Variants in UBXN8 observed in about 807,000 individuals in gnomAD.
UBXN8 encodes UBX domain protein 8, also known as UBX domain-containing protein 8.
In UBXN8, 27 loss-of-function variants were observed where a neutral mutation model predicts 32.1. That is an observed-to-expected ratio of 0.84 (90% CI 0.62 to 1.16). The LOEUF (loss-of-function observed/expected upper bound fraction) is 1.16, where lower values mean the gene tolerates loss of function less well. Among genes scored for constraint, UBXN8 ranks in the 50% most tolerant of loss-of-function variants. The pLI, the probability that UBXN8 is intolerant of heterozygous loss-of-function variation, is 0.00. For synonymous variants in UBXN8, 109 were observed against 111.8 expected, an observed-to-expected ratio of 0.98 and a Z score of 0.16; for missense variants, 306 against 311.4, an observed-to-expected ratio of 0.98 and a Z score of 0.13.
chr8:30,732,643 C>T (rs1003734083), exon 1 of UBXN8: 1 of 190,690 alleles, frequency 5.2e-6, no homozygotes, highest in African/African-American at 2.3e-5. Flanking sequence ...TTATGTCAGC[C>T]CCAGCCCTGG....
At chr8:30,745,262 G>A (rs891048568) in intron 1 of UBXN8, among the ~76,000 whole-genome samples, 19 of 152,138 alleles carry the variant, frequency 1.2e-4, no homozygotes, top group African/African-American at 4.6e-4. Flanking sequence ...TTTGTTTATG[G>A]GTTGATGTTT....
chr8:30,764,125 T>A (rs1210787764), intron 7 of UBXN8, among the ~76,000 whole-genome samples: 7 of 152,248 alleles, frequency 4.6e-5, no homozygotes, highest in South Asian at 2.1e-4. Context: ...TATATTTCCG[T>A]CTCTAAGTAC....
At chr8:30,738,403 G>C (rs1022470462) in intron 1 of UBXN8, among the ~76,000 whole-genome samples, 1 of 152,086 alleles carries the variant, frequency 6.6e-6, no homozygotes, top group East Asian at 1.9e-4. Context: ...GCTCACGCCT[G>C]TAATCCCAGC....
At chr8:30,739,034 T>C (rs1805132848) in intron 1 of UBXN8, among the ~76,000 whole-genome samples, 1 of 150,546 alleles carries the variant, frequency 6.6e-6, no homozygotes, top group African/African-American at 2.4e-5. Context: ...ATTAAAGAGA[T>C]GGATTTTAAC....
chr8:30,751,245 G>T, intron 1 of UBXN8, 151 bp from the exon 2 acceptor site: 1 of 567,538 alleles, frequency 1.8e-6, no homozygotes, highest in South Asian at 2.7e-5. Flanking sequence ...TGGGCATGTT[G>T]GCTCATGCCT....
rs372365171 is a variant in UBXN8 at position 30,751,506 on chromosome 8, G to A, written c.199G>A (p.Val67Ile). Reference sequence around the variant, plus strand: ...GCTTAACTCATTTAAATCTCCCCAAGTTTATCTGAAGGGTAAGTTTATTAT... The same window carrying A: ...GCTTAACTCATTTAAATCTCCCCAAATTTATCTGAAGGGTAAGTTTATTAT... The part of the protein sequence containing the change: ...SWLNSFKSPQ[V>I]YLKEEEEKNE... The change falls in exon 2 of 8, where the codon GTT (valine) becomes ATT (isoleucine). Residue 67 changes from valine to isoleucine, a missense_variant. Transcript: ENST00000265616. 1.7e-5 allele frequency: 27 copies of A among 1,601,456 alleles called. No homozygotes were observed. The highest frequency in any genetic ancestry group is 2.7e-5 in the African/African-American group (2 of 74,126).
chr8:30,731,980 C>T (rs749688263), upstream of UBXN8, among the ~76,000 whole-genome samples: 4 of 152,180 alleles, frequency 2.6e-5, no homozygotes, highest in Non-Finnish European at 5.9e-5. Flanking sequence ...GTACATATTG[C>T]TGGGGTTGCT....
At chr8:30,737,141 T>C (rs1805083177) in intron 1 of UBXN8, among the ~76,000 whole-genome samples, 1 of 152,216 alleles carries the variant, frequency 6.6e-6, no homozygotes, top group Non-Finnish European at 1.5e-5. Context: ...CTTGTTGACA[T>C]ATTTAAAGTT....
intron 7 of UBXN8, among the ~76,000 whole-genome samples, chr8:30,764,892 A>G (rs574391804): frequency 5.3e-5 from 8 of 152,234 alleles, no homozygotes; most frequent in Admixed American, 1.3e-4. Context: ...TCTACTAAAA[A>G]TACAAAAATT....
chr8:30,752,938 T>C (rs1397108514), intron 2 of UBXN8, 97 bp from the exon 3 acceptor site: 7 of 1,356,986 alleles, frequency 5.2e-6, no homozygotes, highest in Non-Finnish European at 6.8e-6. Flanking sequence ...TCATAGACTT[T>C]AGATTTTTTT....
At chr8:30,754,126 G>T in intron 3 of UBXN8, 1 of 175,688 alleles carries the variant, frequency 5.7e-6, no homozygotes, top group Non-Finnish European at 1.2e-5. Flanking sequence ...TGTAGTCCCA[G>T]CTACTTGGGA....
intron 5 of UBXN8, among the ~76,000 whole-genome samples, chr8:30,760,443 A>ATATATTTTTTTT (rs1196366158): frequency 5.5e-5 from 5 of 91,118 alleles, no homozygotes; most frequent in African/African-American, 2.6e-4. Context: ...ATATATATAT[A>ATATATTTTTTTT]TTTTTTTTTT....
chr8:30,744,565 G>T, intron 1 of UBXN8: 2 of 500,340 alleles, frequency 4.0e-6, no homozygotes, highest in South Asian at 7.5e-5. Context: ...TAAACAGGTT[G>T]ATAAGATGAA....
At chr8:30,729,487 G>A (rs192113439), upstream of UBXN8, among the ~76,000 whole-genome samples, 1 of 152,182 alleles carries the variant, frequency 6.6e-6, no homozygotes, top group Non-Finnish European at 1.5e-5. Flanking sequence ...GTTTGACCTG[G>A]CTTGGATTAC....
intron 4 of UBXN8, chr8:30,756,109 C>T (rs1696455295): frequency 6.6e-6 from 1 of 152,032 alleles, no homozygotes; most frequent in Admixed American, 6.6e-5. Context: ...AATGCAACCT[C>T]TGCCTCTCAG....
chr8:30,754,911 T>G, intron 4 of UBXN8, 124 bp downstream of exon 4: 1 of 1,293,664 alleles, frequency 7.7e-7, no homozygotes, highest in Non-Finnish European at 1.0e-6. Flanking sequence ...TGATTATCAG[T>G]TTTTGTTCAG....
At chr8:30,754,544 G>A in intron 3 of UBXN8, 121 bp from the exon 4 acceptor site, 1 of 1,323,174 alleles carries the variant, frequency 7.6e-7, no homozygotes, top group Non-Finnish European at 1.0e-6. Context: ...AAACAGGGTG[G>A]CAGTGGCTCT....
intron 5 of UBXN8, 150 bp downstream of exon 5, chr8:30,757,037 T>C (rs2128755366): frequency 1.6e-6 from 2 of 1,265,552 alleles, no homozygotes; most frequent in East Asian, 5.1e-5. Flanking sequence ...CACCCCAGAA[T>C]AGGCCGGGCA....
chr8:30,735,203 C>T (rs1012142327), intron 1 of UBXN8, among the ~76,000 whole-genome samples: 3 of 151,946 alleles, frequency 2.0e-5, no homozygotes, highest in African/African-American at 2.4e-5. Context: ...TTGCTAGGAT[C>T]GTCAAATAAA....
Sources: gnomAD v4.1 joint callset for allele counts (sites outside exome capture counted in the v4.1 genomes callset) on GRCh38, gnomAD v4.1.1 for gene constraint, MANE v1.5 for transcripts, NCBI Gene and HGNC (gene_info 2026-07-23, HGNC 2026-07-21) for gene names.